FYB1: variants seen among roughly 807,000 people sequenced by gnomAD.
FYB1 encodes FYN binding protein 1.
FYB1 carries 41 observed loss-of-function variants against 94.1 expected under a neutral mutation model. The observed-to-expected ratio is 0.44, with a 90% CI of 0.34 to 0.57. The LOEUF (loss-of-function observed/expected upper bound fraction) is 0.57. Ranked by LOEUF, FYB1 falls within the 20% of genes least tolerant of loss-of-function variation. FYB1 has a pLI of 0.02. For synonymous variants in FYB1, 367 were observed against 353.2 expected (o/e 1.04, Z -0.44); for missense variants, 1,050 against 976.8 (o/e 1.07, Z -1.00).
At chr5:39,148,488 C>T (rs1157808046) in intron 3 of FYB1, among the ~76,000 whole-genome samples, 2 of 122,478 alleles carry the variant, frequency 1.6e-5, no homozygotes, top group Non-Finnish European at 3.2e-5. Context: ...GGAGTAAAAT[C>T]TTGCGGCCTT....
At chr5:39,199,652 G>C (rs138033691) in intron 2 of FYB1, among the ~76,000 whole-genome samples, 3 of 152,178 alleles carry the variant, frequency 2.0e-5, no homozygotes, top group East Asian at 1.9e-4. Flanking sequence ...AAGCCGGGGT[G>C]GGGGGTAGTA....
intron 2 of FYB1, among the ~76,000 whole-genome samples, chr5:39,172,981 G>A (rs1745390601): frequency 6.6e-6 from 1 of 152,154 alleles, no homozygotes; most frequent in East Asian, 1.9e-4. Flanking sequence ...AGGGATTGCT[G>A]GGTTGAATGG....
chr5:39,233,798 G>A (rs975619274), intron 1 of FYB1, among the ~76,000 whole-genome samples: 5 of 152,106 alleles, frequency 3.3e-5, no homozygotes, highest in Admixed American at 6.6e-5. Flanking sequence ...GTTGGAAAAG[G>A]GAAGGATATC....
chr5:39,158,611 G>T lies in FYB1; in HGVS notation c.1136-5007C>A, dbSNP rs115078982. ...TGTATTTCTGTTGGTCAAAAATGCTGGTTCTGGATACTTTTACAACATTCT... is the reference window on the plus strand; with the variant it reads ...TGTATTTCTGTTGGTCAAAAATGCTTGTTCTGGATACTTTTACAACATTCT... On this transcript the variant is annotated intron_variant, in intron 2 of 18. Transcript: ENST00000512982. Among the ~76,000 whole-genome samples, 444 of 152,268 alleles carry T rather than the reference G, an allele frequency of 2.9e-3. 2 individuals carry two copies. Among genetic ancestry groups the T allele is most frequent in the African/African-American group, 0.01 (434 of 41,568 alleles).
intron 3 of FYB1, among the ~76,000 whole-genome samples, chr5:39,144,338 C>G (rs995206815): frequency 2.2e-4 from 33 of 152,238 alleles, no homozygotes; most frequent in African/African-American, 7.7e-4. Context: ...ACCTCTCACT[C>G]TCAATGTATA....
chr5:39,121,681 T>A (rs1197067189), intron 14 of FYB1, among the ~76,000 whole-genome samples: 1 of 152,150 alleles, frequency 6.6e-6, no homozygotes, highest in Non-Finnish European at 1.5e-5. Context: ...CCTACCATGT[T>A]ATTCTCTATT....
chr5:39,130,071 A>AT lies in FYB1; in HGVS notation c.1840+518dup, dbSNP rs565864677. 5.1e-4 allele frequency among the ~76,000 whole-genome samples: 76 copies of AT among 149,534 alleles called. No homozygotes were observed. The East Asian group carries it at 0.013, about 26-fold the overall frequency. On this transcript the variant is annotated intron_variant, in intron 10 of 18. Coordinates refer to ENST00000512982, the MANE Select transcript of FYB1 (RefSeq NM_001465.6). ...ATACGCAATGAAATACTATTTGGTC[A>AT]TAAAAAAAAAAGAATGAAATCATGT... is the stretch of plus-strand genomic sequence containing the variant.
upstream of FYB1, among the ~76,000 whole-genome samples, chr5:39,223,513 T>A (rs1159307293): frequency 6.6e-6 from 1 of 152,244 alleles, no homozygotes; most frequent in East Asian, 1.9e-4. Flanking sequence ...GCAATTAAAT[T>A]TAAAAAAATC....
chr5:39,212,523 C>T (rs1749490045), intron 1 of FYB1, among the ~76,000 whole-genome samples: 1 of 152,126 alleles, frequency 6.6e-6, no homozygotes, highest in Non-Finnish European at 1.5e-5. Context: ...CCCTTGTTCC[C>T]ATTCCATTTC....
intron 2 of FYB1, among the ~76,000 whole-genome samples, chr5:39,157,292 G>C (rs1743845567): frequency 6.6e-6 from 1 of 152,032 alleles, no homozygotes; most frequent in African/African-American, 2.4e-5. Context: ...CTACAATCTG[G>C]GCATAAGTTC....
At chr5:39,139,485 T>C (rs991983268) in intron 4 of FYB1, 6 of 310,456 alleles carry the variant, frequency 1.9e-5, no homozygotes, top group African/African-American at 6.4e-5. Flanking sequence ...CATAAAATAA[T>C]GCAAAGGGCG....
At chr5:39,150,651 A>G (rs1743168459) in intron 3 of FYB1, among the ~76,000 whole-genome samples, 1 of 152,170 alleles carries the variant, frequency 6.6e-6, no homozygotes. Flanking sequence ...GCTTGGGCCA[A>G]AAACACTGGA....
chr5:39,180,015 A>G (rs561963079), intron 2 of FYB1, among the ~76,000 whole-genome samples: 1 of 152,254 alleles, frequency 6.6e-6, no homozygotes, highest in East Asian at 1.9e-4. Context: ...GGCACTTAAC[A>G]TGTGGTAATG....
intron 1 of FYB1, among the ~76,000 whole-genome samples, chr5:39,236,523 A>T (rs951763020): frequency 6.6e-6 from 1 of 152,138 alleles, no homozygotes; most frequent in Non-Finnish European, 1.5e-5. Flanking sequence ...TTGAGATGCC[A>T]TATCCATAGA....
At chr5:39,250,239 G>A (rs1188630677) in intron 1 of FYB1, among the ~76,000 whole-genome samples, 1 of 152,218 alleles carries the variant, frequency 6.6e-6, no homozygotes, top group Non-Finnish European at 1.5e-5. Context: ...AGTCTTGAGA[G>A]AAGCAGAGAA....
chr5:39,120,983 A>G (rs1013630946), intron 14 of FYB1, among the ~76,000 whole-genome samples: 11 of 152,044 alleles, frequency 7.2e-5, no homozygotes, highest in African/African-American at 2.4e-4. Flanking sequence ...ATTTATTGAA[A>G]TTTATTTAAA....
At position 39,202,736 on chromosome 5, in the gene FYB1, G is replaced by C; in HGVS notation, c.225C>G (p.Asp75Glu). 6.2e-7 allele frequency: 1 copy of C among 1,613,962 alleles called. No individual in the cohort carries two copies. The highest frequency in any genetic ancestry group is 8.5e-7 in the Non-Finnish European group (1 of 1,179,872). ...TTAGAAACGGGGGCTTGGGTTCCTT[G>C]TCAGGCTTTTCCTCAGAAGAAGGTT... ...AVKPSSEEKP[D>E]KEPKPPFLKP... The change falls in exon 2 of 19, where the codon GAC (aspartate) becomes GAG (glutamate). Residue 75 changes from aspartate to glutamate, a missense_variant. Coordinates refer to ENST00000512982, the MANE Select transcript of FYB1 (RefSeq NM_001465.6).
At position 39,234,561 on chromosome 5, in the gene FYB1, T is replaced by C. The variant is rs1260804634; in HGVS notation, c.-27-31574A>G. The stretch of plus-strand genomic sequence containing the variant: ...TACTGGGTATCTACCCAAAGGATTA[T>C]AAATCATGCTACTATAAAGACACAT... On this transcript the variant is annotated intron_variant, in intron 1 of 1. Transcript: ENST00000510188. 3.3e-5 allele frequency among the ~76,000 whole-genome samples: 5 copies of C among 152,330 alleles called. No individual in the cohort carries two copies. In the East Asian group the frequency reaches 5.8e-4, roughly 18 times the overall value.
At chr5:39,167,210 A>T (rs1428372164) in intron 2 of FYB1, among the ~76,000 whole-genome samples, 1 of 152,142 alleles carries the variant, frequency 6.6e-6, no homozygotes, top group Non-Finnish European at 1.5e-5. Context: ...TTGAAATGAG[A>T]TGATGCGGGG....
Sources: gnomAD v4.1 joint callset for allele counts (sites outside exome capture counted in the v4.1 genomes callset) on GRCh38, gnomAD v4.1.1 for gene constraint, MANE v1.5 for transcripts, NCBI Gene and HGNC (gene_info 2026-07-23, HGNC 2026-07-21) for gene names.